SUPT3H: variants seen among roughly 807,000 people sequenced by gnomAD.
SUPT3H encodes transcription initiation protein SPT3 homolog.
A neutral mutation model predicts 44.3 loss-of-function variants in SUPT3H; 44 were observed. The observed-to-expected ratio is 0.99, with a 90% CI of 0.78 to 1.28. SUPT3H has a LOEUF of 1.28. Ranked by LOEUF, SUPT3H falls within the 50% of genes most tolerant of loss-of-function variation. The pLI is 0.00. For synonymous variants in SUPT3H, 124 were observed against 125.6 expected (o/e 0.99, Z 0.09); for missense variants, 380 against 387.1 (o/e 0.98, Z 0.15).
At chr6:44,815,354 TATCA>T (rs1581803198) in intron 11 of SUPT3H, among the ~76,000 whole-genome samples, 1 of 152,310 alleles carries the variant, frequency 6.6e-6, no homozygotes, top group East Asian at 1.9e-4. Flanking sequence ...AATGTAACCA[TATCA>T]ATCATTACAT....
chr6:45,022,289 G>A (rs1785253398), intron 3 of SUPT3H, among the ~76,000 whole-genome samples: 1 of 151,922 alleles, frequency 6.6e-6, no homozygotes, highest in Admixed American at 6.6e-5. Flanking sequence ...AACAGTTTAT[G>A]CACACTACAT....
At chr6:44,942,992 T>C (rs1772708930) in intron 9 of SUPT3H, among the ~76,000 whole-genome samples, 2 of 152,136 alleles carry the variant, frequency 1.3e-5, no homozygotes. Flanking sequence ...ATGTCCACTT[T>C]ACAATTCAAA....
At chr6:44,984,608 T>C (rs562095973) in intron 6 of SUPT3H, among the ~76,000 whole-genome samples, 4 of 152,290 alleles carry the variant, frequency 2.6e-5, no homozygotes, top group South Asian at 2.1e-4. Context: ...ATGATCTCTG[T>C]ATAGTCTGTC....
chr6:45,244,141 T>C (rs902761509), intron 2 of SUPT3H, among the ~76,000 whole-genome samples: 3 of 152,180 alleles, frequency 2.0e-5, no homozygotes, highest in African/African-American at 7.2e-5. Flanking sequence ...CCTCCCAAAG[T>C]GCTGGGATTA....
At chr6:45,288,547 GTATATATATATATA>G (rs58524677) in intron 2 of SUPT3H, among the ~76,000 whole-genome samples, 8,663 of 126,482 alleles carry the variant, frequency 0.068, 644 homozygotes, top group African/African-American at 0.17. Context: ...GTGTGTGTGT[GTATATATATATATA>G]TATGTATATA....
rs1158627651 is a variant in SUPT3H at position 44,814,761 on chromosome 6, C to G, written c.*53-5260G>C. Among the ~76,000 whole-genome samples the G allele has an allele frequency of 2.0e-5, 3 of 152,120 alleles. No individual in the cohort carries two copies. The East Asian group carries it at 5.8e-4, about 29-fold the overall frequency. ...GTGTGATCTCAGGTCACTGCAACCT[C>G]TGCCTTCCGGGTTCAAGCAATTCTC... On this transcript the variant is annotated intron_variant and NMD_transcript_variant, in intron 11 of 11. Transcript: ENST00000475057.
At chr6:45,120,783 T>C (rs1801549095) in intron 2 of SUPT3H, among the ~76,000 whole-genome samples, 1 of 152,188 alleles carries the variant, frequency 6.6e-6, no homozygotes, top group Non-Finnish European at 1.5e-5. Context: ...AGGGTAAATA[T>C]TAAAGCTACA....
chr6:45,079,783 T>C (rs140377797), intron 3 of SUPT3H, among the ~76,000 whole-genome samples: 174 of 152,324 alleles, frequency 1.1e-3, no homozygotes, highest in African/African-American at 3.9e-3. Context: ...TCTCTTGCCA[T>C]GTACAGAAGT....
chr6:45,223,375 A>G (rs1243196619), intron 2 of SUPT3H, among the ~76,000 whole-genome samples: 2 of 152,106 alleles, frequency 1.3e-5, no homozygotes, highest in Admixed American at 1.3e-4. Context: ...ATCTCAAAAT[A>G]AAAAGTTTAA....
intron 2 of SUPT3H, among the ~76,000 whole-genome samples, chr6:45,158,298 A>ATATATATATTTTTTTTTTT: frequency 6.0e-5 from 6 of 99,688 alleles, no homozygotes; most frequent in African/African-American, 3.0e-4. Flanking sequence ...ATATATATAT[A>ATATATATATTTTTTTTTTT]TTTTTTTTTT....
intron 2 of SUPT3H, among the ~76,000 whole-genome samples, chr6:45,314,071 A>T (rs1367872185): frequency 6.6e-6 from 1 of 152,204 alleles, no homozygotes; most frequent in Non-Finnish European, 1.5e-5. Context: ...ATGCAGAAAA[A>T]GCATTCGACA....
chr6:45,230,686 A>ATATATATATATATATTTTTTTTTTTT (rs796866510), intron 2 of SUPT3H, among the ~76,000 whole-genome samples: 3 of 116,820 alleles, frequency 2.6e-5, no homozygotes, highest in South Asian at 3.1e-4. Flanking sequence ...ATATATATAT[A>ATATATATATATATATTTTTTTTTTTT]TTTTTGAGAT....
intron 6 of SUPT3H, among the ~76,000 whole-genome samples, chr6:44,996,473 TAA>T (rs1562224775): frequency 1.3e-5 from 2 of 151,886 alleles, no homozygotes; most frequent in African/African-American, 4.8e-5. Context: ...AGATCAAATT[TAA>T]AAGTCACTTC....
chr6:44,947,748 GAA>G lies in SUPT3H; in HGVS notation c.801+5560_801+5561del, dbSNP rs1040993730. 4.8e-4 allele frequency among the ~76,000 whole-genome samples: 73 copies of G among 152,246 alleles called. 1 individual carries two copies. Among genetic ancestry groups the G allele is most frequent in the Middle Eastern group, 6.8e-3 (2 of 294 alleles). The stretch of plus-strand genomic sequence containing the variant: ...ATATTGTTCAAGCAATCCAATGGGA[GAA>G]AAGAGTCTTTCAGCAAATAGTTCTG... On this transcript the variant is annotated intron_variant, in intron 9 of 10. Coordinates refer to ENST00000371459, the MANE Select transcript of SUPT3H (RefSeq NM_003599.4).
Position 45,085,615 on chromosome 6 carries a change from G to T in SUPT3H, c.186+20307C>A, listed in dbSNP as rs572795357. On this transcript the variant is annotated intron_variant, in intron 3 of 10. Coordinates refer to ENST00000371459, the MANE Select transcript of SUPT3H (RefSeq NM_003599.4). Reference sequence around the variant, plus strand: ...AATCCACCCAAAAACCTGATTATATGAGAAATGTAGCAGAAAGTATTTAAC... The same window carrying T: ...AATCCACCCAAAAACCTGATTATATTAGAAATGTAGCAGAAAGTATTTAAC... Among the ~76,000 whole-genome samples, 8 of 152,152 alleles carry T rather than the reference G, an allele frequency of 5.3e-5. No homozygotes were observed. The East Asian group carries it at 1.5e-3, about 29-fold the overall frequency.
downstream of SUPT3H, among the ~76,000 whole-genome samples, chr6:44,823,625 C>T (rs1767516683): frequency 2.0e-5 from 3 of 152,316 alleles, no homozygotes; most frequent in South Asian, 6.2e-4. Context: ...AGGCAAAGGT[C>T]TTTCCACCTC....
chr6:45,198,716 A>C (rs1816499141), intron 2 of SUPT3H, among the ~76,000 whole-genome samples: 1 of 40,690 alleles, frequency 2.5e-5, no homozygotes, highest in Admixed American at 1.9e-4. Context: ...GTGGTTTTTG[A>C]CTAAGCTGCT....
chr6:45,139,573 A>G (rs899778478), intron 2 of SUPT3H, among the ~76,000 whole-genome samples: 4 of 152,224 alleles, frequency 2.6e-5, no homozygotes, highest in African/African-American at 9.6e-5. Flanking sequence ...GTGAGTTCCC[A>G]AAGTGTGAGA....
chr6:45,270,189 A>G (rs1775895563), intron 2 of SUPT3H, among the ~76,000 whole-genome samples: 1 of 152,182 alleles, frequency 6.6e-6, no homozygotes, highest in South Asian at 2.1e-4. Context: ...AGGTCAAGAC[A>G]CTTGTAAATG....
Sources: allele counts gnomAD v4.1 joint callset (sites outside exome capture counted in the v4.1 genomes callset), GRCh38; gene constraint gnomAD v4.1.1; transcripts MANE v1.5; gene names NCBI Gene and HGNC (gene_info 2026-07-23, HGNC 2026-07-21).